Variants in TCF7L1 observed in about 807,000 individuals in gnomAD.
TCF7L1 encodes the protein transcription factor 7-like 1.
In TCF7L1, 18 loss-of-function variants were observed where a neutral mutation model predicts 63.7. The ratio of observed to expected loss-of-function variants is 0.28; its 90% CI spans 0.20 to 0.42. TCF7L1 has a LOEUF of 0.42. Ranked by LOEUF, TCF7L1 falls within the 10% of genes least tolerant of loss-of-function variation. TCF7L1 has a pLI of 1.00. For missense variants in TCF7L1, 654 were observed against 779.3 expected (o/e 0.84, Z 1.91); for synonymous variants, 355 against 340.9 (o/e 1.04, Z -0.46).
intron 3 of TCF7L1, among the ~76,000 whole-genome samples, chr2:85,247,907 C>G (rs1680501801): frequency 6.6e-6 from 1 of 152,120 alleles, no homozygotes; most frequent in Non-Finnish European, 1.5e-5. Flanking sequence ...ACAGGTTATT[C>G]AAACATAGCT....
intron 3 of TCF7L1, among the ~76,000 whole-genome samples, chr2:85,148,796 C>T (rs1677938529): frequency 1.0e-5 from 1 of 99,414 alleles, no homozygotes; most frequent in Non-Finnish European, 2.0e-5. Flanking sequence ...TTTTTTGAGA[C>T]GGAGTTTTGC....
At position 85,309,430 on chromosome 2, in the gene TCF7L1, C is replaced by T; in HGVS notation, c.1735C>T (p.Pro579Ser). ...GGCCCTCCCGGTGCTACAGGCCCAG[C>T]CTCTTTCCCTGGTCACCAAGTCTGC... The part of the protein sequence containing the change: ...HQALPVLQAQ[P>S]LSLVTKSAH The change falls in exon 12 of 12, where the codon CCT becomes TCT. Residue 579 changes from proline to serine, a missense_variant. This residue lies in a region of TCF7L1 where 184 missense variants were observed against 204.0 expected (regional missense o/e 0.90). Transcript: ENST00000282111. 6.5e-7 allele frequency: 1 copy of T among 1,545,720 alleles called. No homozygotes were observed. The highest frequency in any genetic ancestry group is 8.7e-7 in the Non-Finnish European group (1 of 1,146,364).
intron 3 of TCF7L1, among the ~76,000 whole-genome samples, chr2:85,153,340 A>ATGTTGTTTTTTTTTTTTTTTTTT: frequency 9.8e-6 from 1 of 102,272 alleles, no homozygotes; most frequent in Non-Finnish European, 1.8e-5. Flanking sequence ...GCCTTTATAA[A>ATGTTGTTTTTTTTTTTTTTTTTT]TTTTTTTTTT....
intron 3 of TCF7L1, among the ~76,000 whole-genome samples, chr2:85,220,449 A>C (rs1004548052): frequency 1.3e-5 from 2 of 151,836 alleles, no homozygotes; most frequent in African/African-American, 2.4e-5. Context: ...GCTCACTGCA[A>C]CCTCCTCCCA....
At chr2:85,268,286 C>T (rs1487036615) in intron 3 of TCF7L1, among the ~76,000 whole-genome samples, 1 of 152,140 alleles carries the variant, frequency 6.6e-6, no homozygotes, top group Admixed American at 6.5e-5. Context: ...AGTGTGACCG[C>T]TAATTGCCTT....
At chr2:85,135,037 G>A (rs1418066178) in intron 3 of TCF7L1, among the ~76,000 whole-genome samples, 4 of 152,180 alleles carry the variant, frequency 2.6e-5, no homozygotes, top group African/African-American at 7.2e-5. Context: ...TTCAAGTTGA[G>A]GAACTTGGCT....
chr2:85,281,761 T>C (rs893890834), intron 3 of TCF7L1, among the ~76,000 whole-genome samples: 5 of 152,152 alleles, frequency 3.3e-5, no homozygotes, highest in Admixed American at 2.6e-4. Context: ...CATGTGCTAG[T>C]CTGGCCTGTG....
At chr2:85,178,832 G>C (rs1053082037) in intron 3 of TCF7L1, among the ~76,000 whole-genome samples, 4 of 152,102 alleles carry the variant, frequency 2.6e-5, no homozygotes, top group African/African-American at 7.2e-5. Context: ...TCTTGTCTTA[G>C]GTGTCTCAAG....
intron 3 of TCF7L1, among the ~76,000 whole-genome samples, chr2:85,200,350 TAAC>T (rs1334617907): frequency 6.6e-6 from 1 of 152,242 alleles, no homozygotes; most frequent in Non-Finnish European, 1.5e-5. Flanking sequence ...CCACAAAACT[TAAC>T]TACTAATAGC....
intron 3 of TCF7L1, among the ~76,000 whole-genome samples, chr2:85,170,391 A>T (rs1471675154): frequency 9.2e-5 from 14 of 152,196 alleles, no homozygotes; most frequent in Admixed American, 8.5e-4. Flanking sequence ...AATATAGAAA[A>T]TTGAGATATA....
In TCF7L1 at chr2:85,195,764, C is replaced by T. The variant is rs142363410; in HGVS notation, c.441+61314C>T. Among the ~76,000 whole-genome samples the T allele has an allele frequency of 1.6e-3, 244 of 152,210 alleles. 1 individual carries two copies. Among genetic ancestry groups the T allele is most frequent in the African/African-American group, 5.6e-3 (233 of 41,548 alleles). On this transcript the variant is annotated intron_variant, in intron 3 of 11. Transcript: ENST00000282111. ...GTCTCGCCATGTTGCCCAGACTGGT[C>T]TCATAATCCTGGGCTCAAGCCATCC...
At chr2:85,249,492 G>T (rs1471823885) in intron 3 of TCF7L1, among the ~76,000 whole-genome samples, 2 of 152,156 alleles carry the variant, frequency 1.3e-5, no homozygotes, top group East Asian at 3.9e-4. Flanking sequence ...TCCAGAAGTG[G>T]AAGGCATTTT....
At chr2:85,167,936 T>C (rs1040307666) in intron 3 of TCF7L1, among the ~76,000 whole-genome samples, 8 of 152,158 alleles carry the variant, frequency 5.3e-5, no homozygotes, top group African/African-American at 1.9e-4. Context: ...GACATCATGC[T>C]AAGTGAAATA....
At position 85,137,548 on chromosome 2, in the gene TCF7L1, C is replaced by T. The variant is rs191353669; in HGVS notation, c.441+3098C>T. 1.9e-3 allele frequency among the ~76,000 whole-genome samples: 294 copies of T among 152,310 alleles called. 1 individual carries two copies. The highest frequency in any genetic ancestry group is 7.0e-3 in the African/African-American group (291 of 41,558). On this transcript the variant is annotated intron_variant, in intron 3 of 11. Transcript: ENST00000282111. ...AATTATACATTCATTTCTGAAAAGG[C>T]TTCACGGTTTACTAAACTACTTTGG...
intron 3 of TCF7L1, among the ~76,000 whole-genome samples, chr2:85,266,590 C>T (rs770530914): frequency 8.5e-5 from 13 of 152,202 alleles, no homozygotes; most frequent in Non-Finnish European, 1.6e-4. Flanking sequence ...TATCCTTGTC[C>T]AGGGCCTTTG....
At chr2:85,150,698 C>T (rs1677990087) in intron 3 of TCF7L1, among the ~76,000 whole-genome samples, 1 of 151,936 alleles carries the variant, frequency 6.6e-6, no homozygotes, top group African/African-American at 2.4e-5. Flanking sequence ...CTATTTTTCC[C>T]ATTATAGGTG....
chr2:85,278,569 G>T (rs1681336625), intron 3 of TCF7L1, among the ~76,000 whole-genome samples: 1 of 152,162 alleles, frequency 6.6e-6, no homozygotes, highest in Non-Finnish European at 1.5e-5. Context: ...GAAACCACAT[G>T]ACCATTTTGG....
intron 3 of TCF7L1, among the ~76,000 whole-genome samples, chr2:85,203,276 A>G (rs1017340572): frequency 2.6e-5 from 4 of 152,204 alleles, no homozygotes; most frequent in Admixed American, 2.6e-4. Context: ...GAACATGACC[A>G]GAACATTGCA....
chr2:85,242,969 G>A (rs1382697538), intron 3 of TCF7L1, among the ~76,000 whole-genome samples: 1 of 152,042 alleles, frequency 6.6e-6, no homozygotes, highest in African/African-American at 2.4e-5. Flanking sequence ...CCTCCAGCAA[G>A]TCTTAAAGAT....
Sources: gnomAD v4.1 joint callset for allele counts (sites outside exome capture counted in the v4.1 genomes callset) on GRCh38, gnomAD v4.1.1 for gene constraint, gnomAD v4.1.1 regional missense constraint, MANE v1.5 for transcripts, NCBI Gene and HGNC (gene_info 2026-07-23, HGNC 2026-07-21) for gene names.